MSI2: variants seen among roughly 807,000 people sequenced by gnomAD.
MSI2 encodes the protein RNA-binding protein Musashi homolog 2.
In MSI2, 17 loss-of-function variants were observed where a neutral mutation model predicts 45.6. The ratio of observed to expected loss-of-function variants is 0.37; its 90% CI spans 0.26 to 0.56. The LOEUF (loss-of-function observed/expected upper bound fraction) is 0.56, where lower values mean the gene tolerates loss of function less well. Ranked by LOEUF, MSI2 falls within the 20% of genes least tolerant of loss-of-function variation. MSI2 has a pLI of 0.77. For synonymous variants in MSI2, 156 were observed against 158.2 expected, an observed-to-expected ratio of 0.99 and a Z score of 0.11; for missense variants, 293 against 444.2, an observed-to-expected ratio of 0.66 and a Z score of 3.06.
intron 5 of MSI2, among the ~76,000 whole-genome samples, chr17:57,302,561 A>T (rs1911501189): frequency 1.3e-5 from 2 of 152,242 alleles, no homozygotes; most frequent in Non-Finnish European, 2.9e-5. Flanking sequence ...AAACACACTT[A>T]TTAAATGACA....
chr17:57,278,968 T>A (rs985964863), intron 5 of MSI2: 6 of 152,208 alleles, frequency 3.9e-5, no homozygotes, highest in African/African-American at 1.2e-4. Context: ...ACGCCAGTAC[T>A]TGTGTGGAGA....
chr17:57,580,134 G>T (rs918500325), intron 7 of MSI2, among the ~76,000 whole-genome samples: 2 of 151,814 alleles, frequency 1.3e-5, no homozygotes, highest in Non-Finnish European at 2.9e-5. Context: ...GCCTAGCAGG[G>T]GCTGATCTGC....
chr17:57,303,288 GA>G (rs942883576), intron 5 of MSI2, among the ~76,000 whole-genome samples: 4 of 152,110 alleles, frequency 2.6e-5, no homozygotes, highest in East Asian at 1.9e-4. Flanking sequence ...TATGGAAGGG[GA>G]AAAAAAAGTT....
intron 7 of MSI2, among the ~76,000 whole-genome samples, chr17:57,547,789 C>CACACACACAT (rs1555621979): frequency 0.035 from 5,056 of 145,048 alleles, 147 homozygotes; most frequent in Non-Finnish European, 0.054. Flanking sequence ...CACACACACA[C>CACACACACAT]GTCTCTGGAG....
chr17:57,644,248 T>A (rs1344838131), intron 10 of MSI2, among the ~76,000 whole-genome samples: 1 of 138,266 alleles, frequency 7.2e-6, no homozygotes, highest in Non-Finnish European at 1.5e-5. Flanking sequence ...TGGAAATACA[T>A]CTTCCTTCAA....
chr17:57,579,768 G>A (rs1261685264), intron 7 of MSI2, among the ~76,000 whole-genome samples: 10 of 152,190 alleles, frequency 6.6e-5, no homozygotes, highest in Non-Finnish European at 1.3e-4. Flanking sequence ...ATGGGGGCTA[G>A]GAACTGTGCC....
intron 6 of MSI2, among the ~76,000 whole-genome samples, chr17:57,515,212 G>A (rs1288366459): frequency 6.6e-6 from 1 of 152,128 alleles, no homozygotes; most frequent in Non-Finnish European, 1.5e-5. Context: ...ATTTTGTTTT[G>A]TTTTGTTTTG....
intron 6 of MSI2, among the ~76,000 whole-genome samples, chr17:57,454,303 G>A (rs1010694421): frequency 6.6e-6 from 1 of 152,168 alleles, no homozygotes; most frequent in African/African-American, 2.4e-5. Flanking sequence ...TCCAATGAAC[G>A]TGTGCTTCCA....
Position 57,293,587 on chromosome 17 carries a change from G to GTTTTTTTTTTTTT in MSI2, c.312+31402_312+31403insTTTTTTTTTTTTT, listed in dbSNP as rs769797340. Among the ~76,000 whole-genome samples, 6 of 65,436 alleles carry GTTTTTTTTTTTTT rather than the reference G, an allele frequency of 9.2e-5. No individual in the cohort carries two copies. The South Asian group carries it at 3.6e-3, about 39-fold the overall frequency. The allele number at this position is 65,436 out of a possible 152,430, so 42.9% of individuals were successfully genotyped here. A position where few individuals can be genotyped will look rare whatever the true frequency, so the allele number is the denominator to read the frequency against. On this transcript the variant is annotated intron_variant, in intron 5 of 13. Coordinates refer to ENST00000284073, the MANE Select transcript of MSI2 (RefSeq NM_138962.4). ...CTGAATATGTAATCAGTGCTTTATT[G>GTTTTTTTTTTTTT]TTTTTTTGTTTTTTTTTTTGTTTTT...
At chr17:57,525,839 G>A (rs1291487575) in intron 6 of MSI2, among the ~76,000 whole-genome samples, 1 of 152,206 alleles carries the variant, frequency 6.6e-6, no homozygotes, top group Non-Finnish European at 1.5e-5. Flanking sequence ...TGTAAGGCAG[G>A]TGAGCGCGTT....
intron 6 of MSI2, among the ~76,000 whole-genome samples, chr17:57,460,480 A>G (rs2085205149): frequency 6.6e-6 from 1 of 152,124 alleles, no homozygotes; most frequent in East Asian, 1.9e-4. Context: ...GGAAAAGAAA[A>G]GGAAAAAGAA....
chr17:57,409,409 C>G, intron 6 of MSI2, among the ~76,000 whole-genome samples: 1 of 152,220 alleles, frequency 6.6e-6, no homozygotes, highest in Non-Finnish European at 1.5e-5. Context: ...GAGGGAAAGC[C>G]GGCATTAATA....
At chr17:57,334,852 G>A (rs1371157588) in intron 5 of MSI2, among the ~76,000 whole-genome samples, 11 of 151,668 alleles carry the variant, frequency 7.3e-5, no homozygotes, top group Non-Finnish European at 1.5e-4. Context: ...CTGAGATGGA[G>A]GAAAAGGGTT....
intron 5 of MSI2, among the ~76,000 whole-genome samples, chr17:57,337,132 T>C (rs925658172): frequency 2.6e-5 from 4 of 152,202 alleles, no homozygotes; most frequent in Admixed American, 2.0e-4. Flanking sequence ...AATTCTCTTC[T>C]AGGCTTGGGA....
intron 7 of MSI2, among the ~76,000 whole-genome samples, chr17:57,564,052 G>A (rs923799976): frequency 6.6e-6 from 1 of 152,160 alleles, no homozygotes; most frequent in Non-Finnish European, 1.5e-5. Context: ...CCCCCTGCAC[G>A]TGTTTCTCTC....
At chr17:57,678,619 T>C (rs1332553146) in intron 13 of MSI2, among the ~76,000 whole-genome samples, 1 of 151,880 alleles carries the variant, frequency 6.6e-6, no homozygotes, top group Non-Finnish European at 1.5e-5. Flanking sequence ...GTGCAGGGCT[T>C]CCTGCCCACA....
chr17:57,660,872 G>T (rs1911941881), intron 11 of MSI2, among the ~76,000 whole-genome samples: 1 of 152,194 alleles, frequency 6.6e-6, no homozygotes, highest in Non-Finnish European at 1.5e-5. Flanking sequence ...CAGAGCAGGG[G>T]ACCCTTGGTA....
chr17:57,546,955 C>T (rs981459222), intron 7 of MSI2, among the ~76,000 whole-genome samples: 1 of 152,218 alleles, frequency 6.6e-6, no homozygotes, highest in African/African-American at 2.4e-5. Flanking sequence ...ATACATCACA[C>T]GATTTCAGGT....
intron 7 of MSI2, among the ~76,000 whole-genome samples, chr17:57,579,475 G>C (rs770272683): frequency 6.6e-6 from 1 of 152,204 alleles, no homozygotes; most frequent in South Asian, 2.1e-4. Context: ...AGTGGCAGAC[G>C]CATCTGCCTC....
Sources: gnomAD v4.1 joint callset for allele counts (sites outside exome capture counted in the v4.1 genomes callset) on GRCh38, gnomAD v4.1.1 for gene constraint, MANE v1.5 for transcripts, NCBI Gene and HGNC (gene_info 2026-07-23, HGNC 2026-07-21) for gene names.